The following SPTA1 variants were observed in gnomAD, a reference collection of about 807,000 sequenced individuals.
The protein encoded by SPTA1 is spectrin alpha chain, erythrocytic 1.
A neutral mutation model predicts 324.7 loss-of-function variants in SPTA1; 177 were observed. The ratio of observed to expected loss-of-function variants is 0.55; its 90% confidence interval spans 0.48 to 0.62. The LOEUF (loss-of-function observed/expected upper bound fraction) is 0.62, where lower values mean the gene tolerates loss of function less well. Ranked by LOEUF, SPTA1 falls within the 20% of genes least tolerant of loss-of-function variation. The probability of loss-of-function intolerance (pLI) is 0.00; values close to 1 mark genes in which losing one functional copy is unlikely to be tolerated. For missense variants in SPTA1, 3,162 were observed against 2,883.6 expected, an observed-to-expected ratio of 1.10 and a Z score of -2.21; for synonymous variants, 1,195 against 1,041.3, an observed-to-expected ratio of 1.15 and a Z score of -2.84.
chr1:158,668,041 T>C lies in SPTA1; in HGVS notation c.1855A>G (p.Arg619Gly), dbSNP rs1653734854. ...TCAAAGACTTGCTGCTTTTGAACCC[T>C]GCTCTTCAAGTTCTGTATGTCCTGA... Reference protein sequence around the residue: ...DYKDIQNLKSRVQKQQVFEKE... With the variant: ...DYKDIQNLKSGVQKQQVFEKE... Residue 619 changes from arginine to glycine, a missense_variant, in exon 15 of 52, where the codon AGG becomes GGG. By Grantham distance (125) the Arg-to-Gly change is moderately radical (BLOSUM62 -2). Coordinates refer to ENST00000643759, the MANE Select transcript of SPTA1 (RefSeq NM_003126.4). 2 of 1,610,502 alleles carry C rather than the reference T, an allele frequency of 1.2e-6. No individual in the cohort carries two copies. The highest frequency in any genetic ancestry group is 1.7e-5 in the Admixed American group (1 of 59,574).
chr1:158,645,262 T>C lies in SPTA1; in HGVS notation c.4120A>G (p.Lys1374Glu). 1 of 1,614,050 alleles carries C rather than the reference T, an allele frequency of 6.2e-7. No homozygotes were observed. ...TTCTCCAAATCATCTCTCTCTAGCT[T>C]GACAGCTTGAAGCTTTTTTTCAATT... ...PEIEKKLQAV[K>E]LERDDLEKAW... The change falls in exon 29 of 52, where the codon AAG (lysine) becomes GAG (glutamate). Residue 1374 changes from lysine to glutamate, a missense_variant. Coordinates refer to ENST00000643759, the MANE Select transcript of SPTA1 (RefSeq NM_003126.4).
At chr1:158,678,339 C>G in intron 6 of SPTA1, 62 bp downstream of exon 6, 1 of 1,607,142 alleles carries the variant, frequency 6.2e-7, no homozygotes, top group Non-Finnish European at 8.5e-7. Context: ...GAGCCTAATA[C>G]AAAGACACGG....
intron 39 of SPTA1, among the ~76,000 whole-genome samples, chr1:158,629,038 A>T (rs1220783464): frequency 7.9e-5 from 12 of 152,130 alleles, no homozygotes; most frequent in Admixed American, 6.6e-4. Context: ...GTTTCAAAAA[A>T]TTTAAGAGGA....
chr1:158,629,136 T>TGATA lies in SPTA1; in HGVS notation c.5566-1417_5566-1414dup, dbSNP rs141591922. On this transcript the variant is annotated intron_variant, in intron 39 of 51. Transcript: ENST00000643759. ...TTCTCTCAATAGATAGATAGATAGATGATAGATAGATAGATAGATAGATAT... is the reference window on the plus strand; with the variant it reads ...TTCTCTCAATAGATAGATAGATAGATGATAGATAGATAGATAGATAGATAGATAT... Among the ~76,000 whole-genome samples the TGATA allele has an allele frequency of 6.5e-3, 972 of 150,654 alleles. 8 individuals are homozygous for TGATA. Among genetic ancestry groups the TGATA allele is most frequent in the South Asian group, 8.0e-3 (38 of 4,746 alleles).
In SPTA1 at chr1:158,611,210, C is replaced by G. The variant is rs1163743882; in HGVS notation, c.*54G>C. The stretch of plus-strand genomic sequence containing the variant: ...CACATTTGCCTGTACTCTTTGCCCC[C>G]CAGTAAATTTCCCACGACACTAAGA... On this transcript the variant is annotated 3_prime_UTR_variant, in exon 52 of 52. Coordinates refer to ENST00000643759, the MANE Select transcript of SPTA1 (RefSeq NM_003126.4). 1.2e-6 allele frequency: 2 copies of G among 1,603,874 alleles called. No homozygotes were observed. The highest frequency in any genetic ancestry group is 1.3e-5 in the African/African-American group (1 of 74,384).
chr1:158,682,815 G>T (rs1317724382), intron 3 of SPTA1, among the ~76,000 whole-genome samples: 1 of 152,094 alleles, frequency 6.6e-6, no homozygotes, highest in Non-Finnish European at 1.5e-5. Context: ...AAATAGTGAT[G>T]ATCTTCATTT....
intron 38 of SPTA1, 42 bp downstream of exon 38, chr1:158,635,871 C>A (rs1304134026): frequency 1.2e-6 from 2 of 1,613,846 alleles, no homozygotes; most frequent in Non-Finnish European, 1.7e-6. Context: ...GCCCAATATC[C>A]AAAATCCAGG....
chr1:158,619,124 C>T, intron 45 of SPTA1, 98 bp downstream of exon 45: 1 of 1,143,544 alleles, frequency 8.7e-7, no homozygotes, highest in Non-Finnish European at 1.3e-6. Context: ...AGAATACATG[C>T]TCTCAGAGTC....
At chr1:158,671,311 A>AGCCAATGCCCAAACTAGG (rs1285851977) in intron 12 of SPTA1, 32 bp downstream of exon 12, 1 of 1,521,420 alleles carries the variant, frequency 6.6e-7, no homozygotes. Flanking sequence ...ACAGAGAGGG[A>AGCCAATGCCCAAACTAGG]GCCAATGCCC....
chr1:158,644,208 A>T lies in SPTA1; in HGVS notation c.4338+45T>A, dbSNP rs751062212. On this transcript the variant is annotated intron_variant, in intron 30 of 51. Transcript: ENST00000643759. ...ACAAATGTGTAGGATTTCTGTTATT[A>T]TTACTACGGATTATTATTTTAATTC... 3.1e-6 allele frequency: 5 copies of T among 1,607,830 alleles called. No individual in the cohort carries two copies. The Admixed American group carries it at 6.7e-5, about 21-fold the overall frequency.
At chr1:158,618,820 G>A (rs908483667) in intron 45 of SPTA1, among the ~76,000 whole-genome samples, 5 of 152,284 alleles carry the variant, frequency 3.3e-5, no homozygotes, top group Non-Finnish European at 7.3e-5. Context: ...TGGAAACAGA[G>A]CTAATAAGAG....
Position 158,659,603 on chromosome 1 carries a change from T to A in SPTA1, c.2587+1684A>T, listed in dbSNP as rs964522065. 2.0e-3 allele frequency among the ~76,000 whole-genome samples: 62 copies of A among 30,544 alleles called. 14 individuals carry two copies. The highest frequency in any genetic ancestry group is 3.2e-3 in the South Asian group (4 of 1,260). The allele number at this position is 30,544 out of a possible 152,430, so 20.0% of individuals were successfully genotyped here. On this transcript the variant is annotated intron_variant, in intron 18 of 51. Coordinates refer to ENST00000643759, the MANE Select transcript of SPTA1 (RefSeq NM_003126.4). Reference sequence around the variant, plus strand: ...ATAATAGTCTTAGCATTATTTTTTTTTTTTTTTTTTTTTTTTTTGAGACGG... The same window carrying A: ...ATAATAGTCTTAGCATTATTTTTTTATTTTTTTTTTTTTTTTTTGAGACGG...
Position 158,686,576 on chromosome 1 carries a change from A to AGAGAGAGAG in SPTA1, c.-60_-59insCTCTCTCTC. The AGAGAGAGAG allele has an allele frequency of 1.2e-5, 16 of 1,331,590 alleles. No homozygotes were observed. Among genetic ancestry groups the AGAGAGAGAG allele is most frequent in the Non-Finnish European group, 1.5e-5 (14 of 923,766 alleles). 82.5% of individuals were successfully genotyped at this position (1,331,590 alleles called of 1,614,324 possible). A position where few individuals can be genotyped will look rare whatever the true frequency, so the allele number is the denominator to read the frequency against. ...ATGTGTCAGAGAGAGAGAGAGAGAG[A>AGAGAGAGAG]AATAATTCAAATGGAACTGTCCAGT... On this transcript the variant is annotated 5_prime_UTR_variant, in exon 1 of 52. Transcript: ENST00000643759.
chr1:158,635,346 GTTC>G (rs1209182378), intron 38 of SPTA1, among the ~76,000 whole-genome samples: 1 of 151,292 alleles, frequency 6.6e-6, no homozygotes, highest in East Asian at 2.0e-4. Flanking sequence ...TTGCTAAGAT[GTTC>G]TTCTTTCTTT....
intron 18 of SPTA1, among the ~76,000 whole-genome samples, chr1:158,658,213 G>A (rs777773037): frequency 1.3e-5 from 2 of 152,184 alleles, no homozygotes; most frequent in Non-Finnish European, 1.5e-5. Context: ...TTTCTGGGCT[G>A]TAGGCCTGGG....
intron 27 of SPTA1, among the ~76,000 whole-genome samples, chr1:158,645,856 T>G (rs1054591501): frequency 1.3e-5 from 2 of 152,206 alleles, no homozygotes; most frequent in Non-Finnish European, 2.9e-5. Flanking sequence ...AATTTTTTGT[T>G]TTCATTATGG....
intron 29 of SPTA1, 107 bp downstream of exon 29, chr1:158,645,081 G>T: frequency 8.5e-7 from 1 of 1,170,396 alleles, no homozygotes; most frequent in Non-Finnish European, 1.3e-6. Context: ...CTCCCTTTGT[G>T]TTTATAACGT....
At chr1:158,614,928 A>G (rs528122109) in intron 48 of SPTA1, 32 of 382,402 alleles carry the variant, frequency 8.4e-5, no homozygotes, top group Non-Finnish European at 1.5e-4. Context: ...TGGTTTCCTA[A>G]GAGATCACAT....
rs993458519 is a variant in SPTA1 at position 158,685,281 on chromosome 1, C to T, written c.91G>A (p.Val31Met). 3.1e-6 allele frequency: 5 copies of T among 1,613,914 alleles called. No homozygotes were observed. The highest frequency in any genetic ancestry group is 3.4e-6 in the Non-Finnish European group (4 of 1,179,862). The change falls in exon 2 of 52, where the codon GTG (valine) becomes ATG (methionine). Residue 31 changes from valine to methionine, a missense_variant. By Grantham distance (21) the Val-to-Met change is conservative. Coordinates refer to ENST00000643759, the MANE Select transcript of SPTA1 (RefSeq NM_003126.4). The part of the protein sequence containing the change: ...AEEIQERRQE[V>M]LTRYQSFKER... Reference sequence around the variant, plus strand: ...TTGAAACTTTGATACCGAGTCAACACTTCCTGACGCCTCTCCTGGATCTCT... The same window carrying T: ...TTGAAACTTTGATACCGAGTCAACATTTCCTGACGCCTCTCCTGGATCTCT...
Sources: allele counts gnomAD v4.1 joint callset (sites outside exome capture counted in the v4.1 genomes callset), GRCh38; gene constraint gnomAD v4.1.1; transcripts MANE v1.5; gene names NCBI Gene and HGNC (gene_info 2026-07-23, HGNC 2026-07-21).